The following TARBP1 variants were observed in gnomAD, a reference collection of about 807,000 sequenced individuals.
TARBP1 encodes the protein tRNA (guanosine(18)-2'-O)-methyltransferase TARBP1.
In TARBP1, 144 loss-of-function variants were observed where a neutral mutation model predicts 178.6. The observed-to-expected ratio is 0.81, with a 90% confidence interval of 0.70 to 0.93. The LOEUF is 0.93. TARBP1 is among the 40% of genes least tolerant of loss of function. TARBP1 has a pLI of 0.00. For synonymous variants in TARBP1, 787 were observed against 781.0 expected, an observed-to-expected ratio of 1.01 and a Z score of -0.13; for missense variants, 2,067 against 2,011.7, an observed-to-expected ratio of 1.03 and a Z score of -0.53.
intron 12 of TARBP1, among the ~76,000 whole-genome samples, chr1:234,444,227 A>AAAG (rs113204497): frequency 0.3 from 45,589 of 151,952 alleles, 7,031 homozygotes; most frequent in Admixed American, 0.41. Context: ...GAGACTCAGC[A>AAAG]AAGACCAGAC....
intron 14 of TARBP1, 41 bp from the exon 15 acceptor site, chr1:234,430,342 AGTCT>A: frequency 5.1e-6 from 8 of 1,567,590 alleles, no homozygotes; most frequent in Non-Finnish European, 7.0e-6. Context: ...AATATGCACA[AGTCT>A]TAATCAGTAA....
intron 12 of TARBP1, among the ~76,000 whole-genome samples, chr1:234,440,219 T>C (rs1299721781): frequency 6.6e-6 from 1 of 151,852 alleles, no homozygotes; most frequent in Non-Finnish European, 1.5e-5. Flanking sequence ...TGGAGGAAAA[T>C]TAATAGCACT....
chr1:234,469,077 T>TAAAAAAAAAAAAAAAAA (rs1327979551), intron 3 of TARBP1, among the ~76,000 whole-genome samples: 2 of 63,764 alleles, frequency 3.1e-5, no homozygotes, highest in African/African-American at 6.1e-5. Flanking sequence ...TTTTTTTTTT[T>TAAAAAAAAAAAAAAAAA]AAAAAAAAAA....
chr1:234,418,485 G>T (rs982322833), intron 21 of TARBP1, among the ~76,000 whole-genome samples: 6 of 152,172 alleles, frequency 3.9e-5, no homozygotes, highest in Non-Finnish European at 8.8e-5. Context: ...TTTTTACAGG[G>T]AAAGGAAAAG....
intron 10 of TARBP1, among the ~76,000 whole-genome samples, chr1:234,449,662 C>G (rs1666538895): frequency 6.6e-6 from 1 of 152,156 alleles, no homozygotes; most frequent in Non-Finnish European, 1.5e-5. Context: ...TAAACTCATG[C>G]ATTTTGGAAG....
At chr1:234,434,256 C>T (rs774570859) in intron 13 of TARBP1, among the ~76,000 whole-genome samples, 2 of 152,104 alleles carry the variant, frequency 1.3e-5, no homozygotes, top group Non-Finnish European at 2.9e-5. Context: ...TAATATTTAT[C>T]CATCACAGGG....
chr1:234,396,298 C>T (rs1011134905), intron 26 of TARBP1, among the ~76,000 whole-genome samples: 4 of 152,218 alleles, frequency 2.6e-5, no homozygotes, highest in Non-Finnish European at 5.9e-5. Context: ...CCCAACCGCA[C>T]TGGGAAGTGC....
intron 2 of TARBP1, among the ~76,000 whole-genome samples, chr1:234,471,659 T>G (rs1318620495): frequency 6.6e-6 from 1 of 152,254 alleles, no homozygotes; most frequent in Admixed American, 6.5e-5. Flanking sequence ...GAGTTCCATG[T>G]TCTTAATACC....
At chr1:234,424,110 T>G (rs888564826) in intron 20 of TARBP1, among the ~76,000 whole-genome samples, 16 of 152,306 alleles carry the variant, frequency 1.1e-4, no homozygotes, top group African/African-American at 3.6e-4. Context: ...GCTGACCTGC[T>G]ACCTTCAGAA....
At chr1:234,400,405 T>A (rs1308016449) in intron 25 of TARBP1, 1 of 151,992 alleles carries the variant, frequency 6.6e-6, no homozygotes, top group African/African-American at 2.4e-5. Flanking sequence ...AAAATACACA[T>A]TAGTGTTCTA....
At chr1:234,427,265 A>G (rs1663881723) in intron 19 of TARBP1, 52 bp downstream of exon 19, 1 of 1,320,166 alleles carries the variant, frequency 7.6e-7, no homozygotes, top group African/African-American at 1.5e-5. Context: ...ATATGATGTT[A>G]AATTTTTAGT....
At chr1:234,393,162 GTA>G (rs1354723806) in intron 28 of TARBP1, among the ~76,000 whole-genome samples, 198 bp downstream of exon 28, 1 of 152,144 alleles carries the variant, frequency 6.6e-6, no homozygotes, top group Admixed American at 6.5e-5. Context: ...GAAGTGAGCT[GTA>G]TGTTATTTTT....
chr1:234,465,601 G>C, intron 5 of TARBP1, 55 bp downstream of exon 5: 1 of 1,460,382 alleles, frequency 6.8e-7, no homozygotes, highest in African/African-American at 1.5e-5. Flanking sequence ...ATCTGGTCAT[G>C]TCTCTTAACA....
intron 3 of TARBP1, among the ~76,000 whole-genome samples, chr1:234,468,448 A>G (rs1365066059): frequency 6.6e-6 from 1 of 152,176 alleles, no homozygotes; most frequent in African/African-American, 2.4e-5. Flanking sequence ...AGCTTGGGCA[A>G]CAGAGTGAGA....
chr1:234,429,777 G>T, intron 15 of TARBP1, 100 bp from the exon 16 acceptor site: 1 of 1,008,248 alleles, frequency 9.9e-7, no homozygotes. Flanking sequence ...GGGGGGGGGG[G>T]CAGTGTACAG....
At chr1:234,452,021 C>T (rs1447961656) in intron 9 of TARBP1, among the ~76,000 whole-genome samples, 3 of 152,126 alleles carry the variant, frequency 2.0e-5, no homozygotes, top group African/African-American at 7.2e-5. Flanking sequence ...TGAGGCTTTT[C>T]GAATCTTGTA....
Position 234,478,837 on chromosome 1 carries a change from C to A in TARBP1, c.267G>T (p.Gln89His). Residue 89 changes from glutamine (Q) to histidine (H), a missense_variant, in exon 1 of 30, where the codon CAG (glutamine) becomes CAT (histidine). By Grantham distance (24) the Gln-to-His change is conservative. Coordinates refer to ENST00000040877, the MANE Select transcript of TARBP1 (RefSeq NM_005646.4). The part of the protein sequence containing the change: ...RPAGGPDPSL[Q>H]PRHRRRVLRA... Reference sequence around the variant, plus strand: ...TCAGCACGCGCCGGCGGTGGCGAGGCTGCAGACTGGGGTCCGGGCCGCCCG... The same window carrying A: ...TCAGCACGCGCCGGCGGTGGCGAGGATGCAGACTGGGGTCCGGGCCGCCCG... 1 of 1,212,520 alleles carries A rather than the reference C, an allele frequency of 8.2e-7. No individual in the cohort carries two copies. The highest frequency in any genetic ancestry group is 3.6e-5 in the South Asian group (1 of 27,536). The allele number at this position is 1,212,520 out of a possible 1,614,324, so 75.1% of individuals were successfully genotyped here.
chr1:234,477,454 G>A (rs966499495), intron 1 of TARBP1, among the ~76,000 whole-genome samples: 1 of 152,178 alleles, frequency 6.6e-6, no homozygotes, highest in Non-Finnish European at 1.5e-5. Context: ...AGACAATTTT[G>A]AGTCAATCTA....
intron 20 of TARBP1, among the ~76,000 whole-genome samples, chr1:234,422,943 A>C (rs1469518549): frequency 6.6e-6 from 1 of 152,222 alleles, no homozygotes; most frequent in African/African-American, 2.4e-5. Context: ...CTAGACCAAT[A>C]GTTCTTAAAC....
Sources: gnomAD v4.1 joint callset for allele counts (sites outside exome capture counted in the v4.1 genomes callset) on GRCh38, gnomAD v4.1.1 for gene constraint, MANE v1.5 for transcripts, NCBI Gene and HGNC (gene_info 2026-07-23, HGNC 2026-07-21) for gene names.